Variants in TXNDC11 observed in about 807,000 individuals in gnomAD.
The protein encoded by TXNDC11 is thioredoxin domain containing 11.
In TXNDC11, 68 loss-of-function variants were observed where a neutral mutation model predicts 78.0. The ratio of observed to expected loss-of-function variants is 0.87; its 90% CI spans 0.72 to 1.07. TXNDC11 has a LOEUF of 1.07. TXNDC11 is among the 50% of genes least tolerant of loss of function. The pLI, the probability that TXNDC11 is intolerant of heterozygous loss-of-function variation, is 0.00. For synonymous variants in TXNDC11, 571 were observed against 495.2 expected (o/e 1.15, Z -2.03); for missense variants, 1,389 against 1,221.8 (o/e 1.14, Z -2.04).
At chr16:11,735,987 T>C in intron 2 of TXNDC11, 30 bp downstream of exon 2, 2 of 1,607,820 alleles carry the variant, frequency 1.2e-6, no homozygotes. Context: ...CTGACAGTCA[T>C]TTGATTCTTA....
chr16:11,737,799 C>T (rs1376209281), intron 1 of TXNDC11, among the ~76,000 whole-genome samples: 2 of 137,236 alleles, frequency 1.5e-5, no homozygotes, highest in African/African-American at 2.7e-5. Context: ...TGCAGTGAGC[C>T]AAGATCATGC....
intron 5 of TXNDC11, among the ~76,000 whole-genome samples, chr16:11,716,790 A>C (rs2051538673): frequency 1.3e-5 from 2 of 152,216 alleles, no homozygotes; most frequent in East Asian, 1.9e-4. Context: ...CACAAGAACT[A>C]CAAGAAGTCC....
intron 8 of TXNDC11, among the ~76,000 whole-genome samples, chr16:11,689,663 G>A (rs568043680): frequency 1.6e-4 from 24 of 152,242 alleles, no homozygotes; most frequent in African/African-American, 5.8e-4. Flanking sequence ...AATTCAAAGT[G>A]AACACATTAT....
intron 4 of TXNDC11, among the ~76,000 whole-genome samples, chr16:11,727,204 C>CT (rs909343817): frequency 4.0e-5 from 6 of 150,170 alleles, no homozygotes; most frequent in Non-Finnish European, 7.4e-5. Flanking sequence ...AATTTTTTTT[C>CT]TTTTTTTTTC....
intron 5 of TXNDC11, among the ~76,000 whole-genome samples, chr16:11,718,638 T>C (rs2051615014): frequency 6.6e-6 from 1 of 152,158 alleles, no homozygotes; most frequent in African/African-American, 2.4e-5. Flanking sequence ...GAATCCTTCA[T>C]AGTGCACATA....
intron 5 of TXNDC11, among the ~76,000 whole-genome samples, chr16:11,719,560 A>G (rs1322870535): frequency 6.6e-6 from 1 of 152,252 alleles, no homozygotes; most frequent in African/African-American, 2.4e-5. Flanking sequence ...CTGTTTTAAT[A>G]TTCCAAAAAT....
At chr16:11,733,619 T>TA (rs1422479615) in intron 3 of TXNDC11, among the ~76,000 whole-genome samples, 2 of 152,276 alleles carry the variant, frequency 1.3e-5, no homozygotes, top group Non-Finnish European at 2.9e-5. Context: ...TGGACTCTGC[T>TA]ATGCCTCCAG....
At chr16:11,733,577 C>A (rs1481091000) in intron 3 of TXNDC11, among the ~76,000 whole-genome samples, 1 of 152,066 alleles carries the variant, frequency 6.6e-6, no homozygotes, top group Non-Finnish European at 1.5e-5. Context: ...TAGTAATTTT[C>A]TTCCCAATAG....
intron 5 of TXNDC11, among the ~76,000 whole-genome samples, chr16:11,706,734 G>T (rs1453539492): frequency 6.6e-6 from 1 of 152,086 alleles, no homozygotes; most frequent in Non-Finnish European, 1.5e-5. Context: ...CAGCTACCAA[G>T]GGTTCCTGAA....
At chr16:11,698,064 G>C (rs940628297) in intron 7 of TXNDC11, 61 bp downstream of exon 7, 4 of 1,505,590 alleles carry the variant, frequency 2.7e-6, no homozygotes, top group East Asian at 4.5e-5. Context: ...GGGATGAGAG[G>C]AGCCAGGTAG....
intron 5 of TXNDC11, among the ~76,000 whole-genome samples, chr16:11,702,497 G>A (rs2051061445): frequency 1.3e-5 from 2 of 152,130 alleles, no homozygotes; most frequent in East Asian, 3.9e-4. Context: ...GTGAAACCCT[G>A]TCTCTACTAA....
At position 11,730,076 on chromosome 16, in the gene TXNDC11, A is replaced by T. The variant is rs117020020; in HGVS notation, c.699+569T>A. Among the ~76,000 whole-genome samples the T allele has an allele frequency of 7.4e-3, 1,125 of 152,198 alleles. 8 individuals carry two copies. The highest frequency in any genetic ancestry group is 0.017 in the South Asian group (80 of 4,816). On this transcript the variant is annotated intron_variant, in intron 4 of 11. Transcript: ENST00000283033. ...ACTCCAGCCTGGGTGTCAGAGCAAGACTCTGTCTCAAAAAAGAAAATACCA... is the reference window on the plus strand; with the variant it reads ...ACTCCAGCCTGGGTGTCAGAGCAAGTCTCTGTCTCAAAAAAGAAAATACCA...
Position 11,691,505 on chromosome 16 carries a change from A to G in TXNDC11, c.1685T>C (p.Val562Ala). Residue 562 changes from valine to alanine, a missense_variant, in exon 8 of 12, where the codon GTG becomes GCG. Val to Ala is a moderately conservative substitution (Grantham distance 64, BLOSUM62 0). Transcript: ENST00000283033. ...TGTGAAGTTTGTGCTAGTCATGTCC[A>G]CTTCTGGAAAGAGATACCTGTTCTC... Reference protein sequence around the residue: ...IEENRYLFPEVDMTSTNFTGL... With the variant: ...IEENRYLFPEADMTSTNFTGL... 2 of 1,614,194 alleles carry G rather than the reference A, an allele frequency of 1.2e-6. No individual in the cohort carries two copies. The highest frequency in any genetic ancestry group is 2.2e-5 in the South Asian group (2 of 91,086).
chr16:11,687,100 T>G (rs939997672), intron 10 of TXNDC11, among the ~76,000 whole-genome samples: 5 of 152,366 alleles, frequency 3.3e-5, no homozygotes, highest in East Asian at 1.9e-4. Flanking sequence ...TCCCCCTTTT[T>G]GTCTGCTTTC....
intron 10 of TXNDC11, among the ~76,000 whole-genome samples, chr16:11,687,338 A>G (rs2050592678): frequency 6.6e-6 from 1 of 151,792 alleles, no homozygotes; most frequent in Non-Finnish European, 1.5e-5. Context: ...TACCCCATCT[A>G]AAGACTCTGT....
At chr16:11,686,177 C>A (rs1375515194) in intron 10 of TXNDC11, among the ~76,000 whole-genome samples, 1 of 152,184 alleles carries the variant, frequency 6.6e-6, no homozygotes, top group African/African-American at 2.4e-5. Flanking sequence ...AGGCTGGTCT[C>A]GAACTCCTGG....
chr16:11,707,447 T>G (rs1468879555), intron 5 of TXNDC11, among the ~76,000 whole-genome samples: 1 of 124,096 alleles, frequency 8.1e-6, no homozygotes, highest in Non-Finnish European at 1.8e-5. Flanking sequence ...TTCTTTTATT[T>G]TTCCCAATTT....
rs764109164 is a variant in TXNDC11 at position 11,742,644 on chromosome 16, G to A, written c.87C>T (p.Gly29=). Reference sequence around the variant, plus strand: ...TCGGGCTCGAGCTGAGGCAGTCTGAGCCCGCGGGGCCGCCGCCGCCCCCTC... The same window carrying A: ...TCGGGCTCGAGCTGAGGCAGTCTGAACCCGCGGGGCCGCCGCCGCCCCCTC... The part of the protein sequence containing the change: ...DEGGGGGGPA[G]SDCLSSSPTL... The change falls in exon 1 of 12, where the codon GGC becomes GGT. Residue 29 remains glycine, a synonymous_variant. Coordinates refer to ENST00000283033, the MANE Select transcript of TXNDC11 (RefSeq NM_015914.7). 7 of 1,459,920 alleles carry A rather than the reference G, an allele frequency of 4.8e-6. No homozygotes were observed. The South Asian group carries it at 6.6e-5, about 14-fold the overall frequency. The allele number at this position is 1,459,920 out of a possible 1,614,324, so 90.4% of individuals were successfully genotyped here.
chr16:11,705,925 T>C (rs2051168299), intron 5 of TXNDC11, among the ~76,000 whole-genome samples: 1 of 152,194 alleles, frequency 6.6e-6, no homozygotes, highest in Non-Finnish European at 1.5e-5. Context: ...TAAGCAGAGC[T>C]CCAGGGCTTT....
Sources: gnomAD v4.1 joint callset for allele counts (sites outside exome capture counted in the v4.1 genomes callset) on GRCh38, gnomAD v4.1.1 for gene constraint, MANE v1.5 for transcripts, NCBI Gene and HGNC (gene_info 2026-07-23, HGNC 2026-07-21) for gene names.